Variants in MYCBP2 observed in about 807,000 individuals in gnomAD.
The protein encoded by MYCBP2 is MYC binding protein 2.
Under a neutral mutation model 525.3 loss-of-function variants are expected in MYCBP2, and 120 were observed. That is an observed-to-expected ratio of 0.23 (90% CI 0.20 to 0.27). The LOEUF (loss-of-function observed/expected upper bound fraction) is 0.27, where lower values mean the gene tolerates loss of function less well. MYCBP2 is among the 10% of genes least tolerant of loss of function. The pLI, the probability that MYCBP2 is intolerant of heterozygous loss-of-function variation, is 1.00. For missense variants in MYCBP2, 4,149 were observed against 5,657.1 expected (o/e 0.73, Z 8.55); for synonymous variants, 1,894 against 1,955.8 (o/e 0.97, Z 0.83).
intron 18 of MYCBP2, 43 bp downstream of exon 18, chr13:77,233,113 A>G (rs2067354378): frequency 6.5e-7 from 1 of 1,528,284 alleles, no homozygotes; most frequent in African/African-American, 1.4e-5. Context: ...AGTGGAAGAA[A>G]TTGGGAAAGT....
At chr13:77,211,362 C>G in intron 22 of MYCBP2, 42 bp from the exon 23 acceptor site, 1 of 1,045,166 alleles carries the variant, frequency 9.6e-7, no homozygotes. Flanking sequence ...ATATATATTA[C>G]CCTTTTAAAT....
intron 34 of MYCBP2, among the ~76,000 whole-genome samples, chr13:77,179,258 C>T (rs1466136382): frequency 6.6e-6 from 1 of 152,108 alleles, no homozygotes; most frequent in Non-Finnish European, 1.5e-5. Flanking sequence ...AGTTCCTTGA[C>T]AAGAACTTGG....
chr13:77,155,542 G>C (rs1359364184), intron 46 of MYCBP2, among the ~76,000 whole-genome samples: 2 of 152,006 alleles, frequency 1.3e-5, no homozygotes, highest in East Asian at 3.9e-4. Flanking sequence ...AATATTTCAG[G>C]TAAGAGGTAT....
At chr13:77,289,247 T>C (rs531389947) in intron 2 of MYCBP2, among the ~76,000 whole-genome samples, 6 of 152,098 alleles carry the variant, frequency 3.9e-5, no homozygotes, top group African/African-American at 1.2e-4. Flanking sequence ...AAAAGTTAAA[T>C]TGGCATGGCA....
chr13:77,125,558 G>T, intron 53 of MYCBP2, 90 bp from the exon 54 acceptor site: 1 of 1,394,170 alleles, frequency 7.2e-7, no homozygotes, highest in Non-Finnish European at 9.9e-7. Context: ...TGTCTGAATA[G>T]TGTAATCATT....
intron 3 of MYCBP2, among the ~76,000 whole-genome samples, chr13:77,280,707 T>C (rs1219012723): frequency 1.3e-5 from 2 of 152,156 alleles, no homozygotes; most frequent in African/African-American, 2.4e-5. Context: ...TAAGGTGTAA[T>C]AACAAGTGAA....
intron 29 of MYCBP2, among the ~76,000 whole-genome samples, chr13:77,189,833 A>G (rs1004969835): frequency 1.3e-5 from 2 of 152,136 alleles, no homozygotes; most frequent in African/African-American, 4.8e-5. Flanking sequence ...GGAATTTTCC[A>G]ACTCATTTTA....
intron 68 of MYCBP2, among the ~76,000 whole-genome samples, chr13:77,073,390 T>A (rs1239699208): frequency 6.6e-6 from 1 of 152,136 alleles, no homozygotes; most frequent in Admixed American, 6.5e-5. Context: ...CATTCTCCAA[T>A]CTTATTAAAA....
chr13:77,061,063 T>G lies in MYCBP2; in HGVS notation c.13036+106A>C, dbSNP rs147582397. Reference sequence around the variant, plus strand: ...ATATATAGATCAATGATGTCATAATTAAACATCAGAATATCACTCAAAATT... The same window carrying G: ...ATATATAGATCAATGATGTCATAATGAAACATCAGAATATCACTCAAAATT... On this transcript the variant is annotated intron_variant, in intron 76 of 82. Coordinates refer to ENST00000544440, the MANE Select transcript of MYCBP2 (RefSeq NM_015057.5). 8,074 of 1,198,616 alleles carry G rather than the reference T, an allele frequency of 6.7e-3. 39 individuals carry two copies. Among genetic ancestry groups the G allele is most frequent in the Non-Finnish European group, 8.5e-3 (7,394 of 866,744 alleles). 74.2% of individuals were successfully genotyped at this position (1,198,616 alleles called of 1,614,324 possible).
intron 8 of MYCBP2, 123 bp from the exon 9 acceptor site, chr13:77,264,125 T>C: frequency 1.7e-6 from 1 of 602,228 alleles, no homozygotes; most frequent in Non-Finnish European, 2.8e-6. Context: ...AAAAGGAGAC[T>C]GTGCTTTTTA....
At chr13:77,052,902 A>G (rs1302559666) in intron 80 of MYCBP2, among the ~76,000 whole-genome samples, 1 of 152,122 alleles carries the variant, frequency 6.6e-6, no homozygotes, top group Non-Finnish European at 1.5e-5. Flanking sequence ...GGTGAGGCAG[A>G]CAGATTCCTT....
chr13:77,231,428 G>GATGTATTTTAGATGTATT (rs2067118388), intron 18 of MYCBP2, among the ~76,000 whole-genome samples: 1 of 151,968 alleles, frequency 6.6e-6, no homozygotes, highest in Non-Finnish European at 1.5e-5. Flanking sequence ...TGTATTTTTA[G>GATGTATTTTAGATGTATT]TAGAGATGAG....
chr13:77,250,226 A>T (rs2070949274), intron 15 of MYCBP2, among the ~76,000 whole-genome samples: 1 of 152,118 alleles, frequency 6.6e-6, no homozygotes, highest in African/African-American at 2.4e-5. Context: ...CCGTCTCAAA[A>T]AAAAAAAAAA....
At position 77,139,196 on chromosome 13, in the gene MYCBP2, G is replaced by A. The variant is rs750510405; in HGVS notation, c.7659C>T (p.Asp2553=). ...CTTTTTAAAACCACCTTTTACTTAC[G>A]TCAACAGGGACCAGAAGACTCTTGC... ...HLGKSLLVPV[D]ESKTNTDDFF... The change falls in exon 52 of 83, where the codon GAC becomes GAT. Residue 2553 remains aspartate, a splice_region_variant and synonymous_variant. Transcript: ENST00000544440. 7.4e-6 allele frequency: 12 copies of A among 1,612,780 alleles called. No homozygotes were observed. The highest frequency in any genetic ancestry group is 9.3e-6 in the Non-Finnish European group (11 of 1,179,272).
chr13:77,208,995 G>C (rs1438826533), intron 23 of MYCBP2, among the ~76,000 whole-genome samples: 1 of 152,150 alleles, frequency 6.6e-6, no homozygotes, highest in African/African-American at 2.4e-5. Flanking sequence ...CAATGCATAT[G>C]ATAATTATAA....
chr13:77,311,017 A>G (rs573840469), intron 1 of MYCBP2, among the ~76,000 whole-genome samples: 1 of 152,296 alleles, frequency 6.6e-6, no homozygotes, highest in Admixed American at 6.5e-5. Context: ...CAAATTCTGG[A>G]GGGGAGTCAA....
chr13:77,238,853 G>A (rs945157147), intron 17 of MYCBP2, among the ~76,000 whole-genome samples: 7 of 152,194 alleles, frequency 4.6e-5, no homozygotes, highest in African/African-American at 9.6e-5. Context: ...GGCCCAGGCC[G>A]AGCGCAGTGG....
intron 71 of MYCBP2, 52 bp downstream of exon 71, chr13:77,067,529 A>T: frequency 6.4e-7 from 1 of 1,557,126 alleles, no homozygotes. Context: ...AAATTTCTGA[A>T]CAGTAGCTCA....
chr13:77,105,230 A>G (rs927816857), intron 55 of MYCBP2, among the ~76,000 whole-genome samples: 1 of 152,126 alleles, frequency 6.6e-6, no homozygotes, highest in Non-Finnish European at 1.5e-5. Context: ...AATTGGAAGC[A>G]CACATAAAAC....
Sources: gnomAD v4.1 joint callset for allele counts (sites outside exome capture counted in the v4.1 genomes callset) on GRCh38, gnomAD v4.1.1 for gene constraint, MANE v1.5 for transcripts, NCBI Gene and HGNC (gene_info 2026-07-23, HGNC 2026-07-21) for gene names.